Variants in GMDS observed in about 807,000 individuals in gnomAD.
GMDS encodes the protein GDP-mannose 4,6 dehydratase.
A neutral mutation model predicts 49.9 loss-of-function variants in GMDS; 20 were observed. The ratio of observed to expected loss-of-function variants is 0.40; its 90% confidence interval spans 0.28 to 0.58. The LOEUF is 0.58. GMDS is among the 20% of genes least tolerant of loss of function. GMDS has a pLI of 0.42. For synonymous variants in GMDS, 177 were observed against 178.6 expected (o/e 0.99, Z 0.07); for missense variants, 362 against 481.4 (o/e 0.75, Z 2.32).
intron 4 of GMDS, among the ~76,000 whole-genome samples, chr6:2,013,105 T>C (rs1437383901): frequency 6.6e-6 from 1 of 152,152 alleles, no homozygotes. Flanking sequence ...ATTTTAAAAA[T>C]AGGACCTTAC....
At chr6:2,063,591 C>G (rs150124767) in intron 4 of GMDS, among the ~76,000 whole-genome samples, 24 of 152,306 alleles carry the variant, frequency 1.6e-4, no homozygotes, top group Non-Finnish European at 2.8e-4. Flanking sequence ...TAAGAAACTG[C>G]TAACACTACA....
At chr6:1,887,970 T>TG (rs1290932673) in intron 7 of GMDS, among the ~76,000 whole-genome samples, 1 of 152,072 alleles carries the variant, frequency 6.6e-6, no homozygotes, top group Non-Finnish European at 1.5e-5. Flanking sequence ...TGTTTTGTTT[T>TG]GAGACAGAGG....
rs187918997 is a variant in GMDS, at chr6:2,226,371, A to C, written c.102+18950T>G. On this transcript the variant is annotated intron_variant, in intron 1 of 10. Transcript: ENST00000380815. ...AGATCATGATTGCTGTTCCCATCTA[A>C]GAGTTAGATTCTGCCTATGATAACT... Among the ~76,000 whole-genome samples, 9 of 152,336 alleles carry C rather than the reference A, an allele frequency of 5.9e-5. No individual in the cohort carries two copies. In the East Asian group the frequency reaches 1.7e-3, roughly 29 times the overall value.
At chr6:2,125,928 G>GT (rs1361592165) in intron 1 of GMDS, among the ~76,000 whole-genome samples, 2 of 152,110 alleles carry the variant, frequency 1.3e-5, no homozygotes. Flanking sequence ...TTATAAAATC[G>GT]TATTTCCTTT....
intron 9 of GMDS, chr6:1,680,007 G>C (rs1232479149): frequency 1.3e-5 from 2 of 152,190 alleles, no homozygotes; most frequent in Non-Finnish European, 2.9e-5. Flanking sequence ...GTCACAGCCT[G>C]GATAAGCCAT....
At chr6:2,160,950 T>C (rs1351615049) in intron 1 of GMDS, among the ~76,000 whole-genome samples, 2 of 152,244 alleles carry the variant, frequency 1.3e-5, no homozygotes, top group Non-Finnish European at 2.9e-5. Context: ...GAATAATCAA[T>C]GACCATACCC....
intron 1 of GMDS, among the ~76,000 whole-genome samples, chr6:2,142,329 G>T (rs144806386): frequency 2.0e-5 from 3 of 152,252 alleles, no homozygotes; most frequent in Admixed American, 2.0e-4. Flanking sequence ...GATGTTAGTT[G>T]GAGATACGGT....
At chr6:1,800,104 T>C (rs1007801260) in intron 7 of GMDS, among the ~76,000 whole-genome samples, 12 of 152,220 alleles carry the variant, frequency 7.9e-5, no homozygotes, top group African/African-American at 2.9e-4. Flanking sequence ...TGACTAGGGC[T>C]GCTTGATGAT....
chr6:1,999,986 T>C (rs1275596319), intron 4 of GMDS, among the ~76,000 whole-genome samples: 1 of 14,376 alleles, frequency 7.0e-5, no homozygotes, highest in Non-Finnish European at 1.3e-4. Context: ...ATATATTTTA[T>C]ATATATATAT....
At chr6:1,657,597 T>C (rs181409109) in intron 9 of GMDS, among the ~76,000 whole-genome samples, 224 of 152,304 alleles carry the variant, frequency 1.5e-3, no homozygotes, top group Non-Finnish European at 1.9e-3. Context: ...ATTTATTAAC[T>C]GGTGTTCACA....
At chr6:1,888,109 T>C (rs1759691986) in intron 7 of GMDS, among the ~76,000 whole-genome samples, 1 of 149,866 alleles carries the variant, frequency 6.7e-6, no homozygotes, top group South Asian at 2.1e-4. Context: ...CCACCATTCC[T>C]GGCTATTTTT....
At chr6:1,870,218 C>G (rs1227598413) in intron 7 of GMDS, among the ~76,000 whole-genome samples, 1 of 152,170 alleles carries the variant, frequency 6.6e-6, no homozygotes, top group African/African-American at 2.4e-5. Flanking sequence ...TGGATGACAC[C>G]CCATGATCAA....
intron 9 of GMDS, among the ~76,000 whole-genome samples, chr6:1,691,802 T>G (rs897640703): frequency 6.6e-6 from 1 of 152,242 alleles, no homozygotes; most frequent in Non-Finnish European, 1.5e-5. Flanking sequence ...AACATTTTTG[T>G]TTATCACTGG....
chr6:1,687,270 G>A (rs889443112), intron 9 of GMDS, among the ~76,000 whole-genome samples: 8 of 152,190 alleles, frequency 5.3e-5, no homozygotes, highest in Admixed American at 2.0e-4. Flanking sequence ...CAGGAAGGAC[G>A]TGAACAGCAC....
At chr6:2,203,294 G>GA (rs762796480) in intron 1 of GMDS, among the ~76,000 whole-genome samples, 70 of 151,730 alleles carry the variant, frequency 4.6e-4, no homozygotes, top group East Asian at 2.3e-3. Flanking sequence ...GGTAAAATTG[G>GA]AAAAAAAATA....
intron 1 of GMDS, among the ~76,000 whole-genome samples, chr6:2,181,244 A>ACAG (rs894889912): frequency 2.6e-5 from 4 of 151,854 alleles, no homozygotes; most frequent in African/African-American, 9.7e-5. Flanking sequence ...AAAAAGGTAC[A>ACAG]CAGCAGCAAG....
rs1190389913 is a variant in GMDS at position 1,780,445 on chromosome 6, C to A, written c.772-37859G>T. Reference sequence around the variant, plus strand: ...TCATGCAGTGGCAACGGTGTCCCCACAGCTTCCTGAGAGCGCTTCCTCTGC... The same window carrying A: ...TCATGCAGTGGCAACGGTGTCCCCAAAGCTTCCTGAGAGCGCTTCCTCTGC... On this transcript the variant is annotated intron_variant, in intron 7 of 10. Coordinates refer to ENST00000380815, the MANE Select transcript of GMDS (RefSeq NM_001500.4). Among the ~76,000 whole-genome samples the A allele has an allele frequency of 3.3e-5, 5 of 152,248 alleles. No homozygotes were observed. The East Asian group carries it at 9.6e-4, about 29-fold the overall frequency.
chr6:2,244,639 A>G (rs1781775491), intron 1 of GMDS, among the ~76,000 whole-genome samples: 1 of 152,196 alleles, frequency 6.6e-6, no homozygotes, highest in African/African-American at 2.4e-5. Flanking sequence ...TTACTCGACG[A>G]ACTTATTCCT....
At position 1,927,266 on chromosome 6, in the gene GMDS, TATTTTTATTC is replaced by T. The variant is rs1167893538; in HGVS notation, c.771+2827_771+2836del. On this transcript the variant is annotated intron_variant, in intron 7 of 10. Transcript: ENST00000380815. ...TTATTCAGAGGGTAGCGTGTTGGTG[TATTTTTATTC>T]GGAGGGTAGCGTGTTGGTGTATTTT... is the stretch of plus-strand genomic sequence containing the variant. Among the ~76,000 whole-genome samples, 12 of 141,936 alleles carry T rather than the reference TATTTTTATTC, an allele frequency of 8.5e-5. 1 individual carries two copies. The highest frequency in any genetic ancestry group is 3.2e-4 in the African/African-American group (12 of 37,872). 93.1% of individuals were successfully genotyped at this position (141,936 alleles called of 152,430 possible).
Sources: allele counts gnomAD v4.1 joint callset (sites outside exome capture counted in the v4.1 genomes callset), GRCh38; gene constraint gnomAD v4.1.1; transcripts MANE v1.5; gene names NCBI Gene and HGNC (gene_info 2026-07-23, HGNC 2026-07-21).